OPRM1: variants seen among roughly 807,000 people sequenced by gnomAD.
OPRM1 encodes opioid receptor mu 1, also known as mu-type opioid receptor.
Under a neutral mutation model 31.8 loss-of-function variants are expected in OPRM1, and 27 were observed. That is an observed-to-expected ratio of 0.85 (90% CI 0.63 to 1.17). The LOEUF (loss-of-function observed/expected upper bound fraction) is 1.17, where lower values mean the gene tolerates loss of function less well. Ranked by LOEUF, OPRM1 falls within the 50% of genes most tolerant of loss-of-function variation. The pLI, the probability that OPRM1 is intolerant of heterozygous loss-of-function variation, is 0.00. For missense variants in OPRM1, 536 were observed against 511.1 expected, an observed-to-expected ratio of 1.05 and a Z score of -0.47; for synonymous variants, 196 against 189.9, an observed-to-expected ratio of 1.03 and a Z score of -0.26.
At chr6:154,096,202 A>G (rs1200035164) in intron 3 of OPRM1, among the ~76,000 whole-genome samples, 2 of 152,098 alleles carry the variant, frequency 1.3e-5, no homozygotes, top group African/African-American at 4.8e-5. Flanking sequence ...GATTACAGGC[A>G]TGCGCCACCA....
chr6:154,143,816 C>A lies in OPRM1; in HGVS notation c.1164+52344C>A, dbSNP rs529073549. ...TTTTCCTTACTTCTACTACAAAATA[C>A]CACACACACACACACACAAATTGAA... On this transcript the variant is annotated intron_variant, in intron 3 of 3. Coordinates refer to the OPRM1 transcript ENST00000337049. Among the ~76,000 whole-genome samples, 3 of 150,562 alleles carry A rather than the reference C, an allele frequency of 2.0e-5. No individual in the cohort carries two copies. The East Asian group carries it at 5.8e-4, about 29-fold the overall frequency.
At chr6:154,046,237 GC>G (rs1199672174) in intron 1 of OPRM1, among the ~76,000 whole-genome samples, 1 of 152,204 alleles carries the variant, frequency 6.6e-6, no homozygotes, top group Non-Finnish European at 1.5e-5. Flanking sequence ...CAGAAGCTAA[GC>G]TTTTCCTTCC....
intron 1 of OPRM1, 67 bp downstream of exon 1, chr6:154,039,901 A>C: frequency 7.1e-7 from 1 of 1,405,048 alleles, no homozygotes; most frequent in Non-Finnish European, 9.6e-7. Context: ...GAGACACCTA[A>C]CTCCCAAGGC....
rs1246862290 is a variant in OPRM1 at position 154,131,814 on chromosome 6, C to A, written c.*13093C>A. On this transcript the variant is annotated 3_prime_UTR_variant, in exon 4 of 4. Transcript: ENST00000330432. ...TTTTCAAAAATATTTGCCTGGAAAC[C>A]TGTATTTCGCCTATAGAGACAAATA... Among the ~76,000 whole-genome samples, 1 of 151,932 alleles carries A rather than the reference C, an allele frequency of 6.6e-6. No individual in the cohort carries two copies. Among genetic ancestry groups the A allele is most frequent in the African/African-American group, 2.4e-5 (1 of 41,360 alleles).
At chr6:154,024,783 A>G (rs2128384052) in intron 1 of OPRM1, among the ~76,000 whole-genome samples, 1 of 150,720 alleles carries the variant, frequency 6.6e-6, no homozygotes, top group East Asian at 2.0e-4. Flanking sequence ...TCTCCTCCTT[A>G]ATTTCTTCAT....
At chr6:154,014,824 G>T (rs1464080692) in intron 1 of OPRM1, among the ~76,000 whole-genome samples, 1 of 152,066 alleles carries the variant, frequency 6.6e-6, no homozygotes, top group African/African-American at 2.4e-5. Flanking sequence ...AACAATAAGA[G>T]AATTGAATAA....
chr6:154,162,218 C>T (rs1799084931), intron 3 of OPRM1, among the ~76,000 whole-genome samples: 1 of 152,252 alleles, frequency 6.6e-6, no homozygotes, highest in South Asian at 2.1e-4. Context: ...GTTCTCTCCT[C>T]TGACTCACCA....
rs140145975 is a variant in OPRM1 at position 154,048,029 on chromosome 6, C to T, written c.290+8195C>T. Among the ~76,000 whole-genome samples, 227 of 152,264 alleles carry T rather than the reference C, an allele frequency of 1.5e-3. 3 individuals carry two copies. Among genetic ancestry groups the T allele is most frequent in the African/African-American group, 5.3e-3 (219 of 41,536 alleles). ...ATTAATAGTGTTCATAATGGCTCTGCTCTCATGACCTAATCACCTCCCAAA... is the reference window on the plus strand; with the variant it reads ...ATTAATAGTGTTCATAATGGCTCTGTTCTCATGACCTAATCACCTCCCAAA... On this transcript the variant is annotated intron_variant, in intron 1 of 3. Coordinates refer to ENST00000330432, the MANE Select transcript of OPRM1 (RefSeq NM_000914.5).
In OPRM1 at chr6:154,126,892, A is replaced by G. The variant is rs1054235203; in HGVS notation, c.*8171A>G. The stretch of plus-strand genomic sequence containing the variant: ...TTTGGGAGGCCGAGGCGGGCGGAAC[A>G]CAAGGTCAGGAGATCAAGACCATCC... On this transcript the variant is annotated 3_prime_UTR_variant, in exon 4 of 4. Coordinates refer to ENST00000330432, the MANE Select transcript of OPRM1 (RefSeq NM_000914.5). 1.3e-5 allele frequency among the ~76,000 whole-genome samples: 2 copies of G among 152,180 alleles called. No homozygotes were observed. Among genetic ancestry groups the G allele is most frequent in the African/African-American group, 4.8e-5 (2 of 41,444 alleles).
At position 154,091,287 on chromosome 6, in the gene OPRM1, G is replaced by C; in HGVS notation, c.979G>C (p.Gly327Arg). ...TTCTTGGCACTTCTGCATTGCTCTA[G>C]GTTACACAAACAGCTGCCTCAACCC... ...TVSWHFCIAL[G>R]YTNSCLNPVL... Residue 327 changes from glycine (G) to arginine (R), a missense_variant, in exon 3 of 4, where the codon GGT becomes CGT. Transcript: ENST00000330432. 6.2e-7 allele frequency: 1 copy of C among 1,614,172 alleles called. No individual in the cohort carries two copies. Among genetic ancestry groups the C allele is most frequent in the East Asian group, 2.2e-5 (1 of 44,888 alleles).
chr6:154,150,317 C>T (rs891926137), intron 3 of OPRM1, among the ~76,000 whole-genome samples: 14 of 152,210 alleles, frequency 9.2e-5, no homozygotes, highest in African/African-American at 3.4e-4. Context: ...TCTTGCTTCC[C>T]TTGATCCAAC....
chr6:154,197,761 T>C (rs1255241041), intron 3 of OPRM1, among the ~76,000 whole-genome samples: 1 of 152,194 alleles, frequency 6.6e-6, no homozygotes, highest in Admixed American at 6.5e-5. Flanking sequence ...GGGTTATCTC[T>C]TGGGAAAGAA....
rs549590844 is a variant in OPRM1 at position 154,120,680 on chromosome 6, T to C, written c.*1959T>C. ...GTAAATAACTGAGGAGGAAAATCCA[T>C]GCTTTTCATGGGCTAGGATGGTTTC... is the stretch of plus-strand genomic sequence containing the variant. On this transcript the variant is annotated 3_prime_UTR_variant, in exon 4 of 4. Transcript: ENST00000330432. Among the ~76,000 whole-genome samples the C allele has an allele frequency of 2.6e-5, 4 of 152,294 alleles. No homozygotes were observed. The South Asian group carries it at 6.2e-4, about 24-fold the overall frequency.
At chr6:154,200,015 G>T in intron 3 of OPRM1, 1 of 1,613,610 alleles carries the variant, frequency 6.2e-7, no homozygotes, top group Non-Finnish European at 8.5e-7. Context: ...CAGGCTGGGT[G>T]AGGATGAAGA....
chr6:154,050,869 C>G (rs368296802), intron 1 of OPRM1, among the ~76,000 whole-genome samples: 13 of 151,918 alleles, frequency 8.6e-5, no homozygotes, highest in Middle Eastern at 3.4e-3. Flanking sequence ...TTCCAAGTAC[C>G]CCGTAAATAT....
intron 1 of OPRM1, among the ~76,000 whole-genome samples, chr6:154,024,844 C>G (rs780751326): frequency 5.9e-5 from 9 of 151,992 alleles, no homozygotes; most frequent in Non-Finnish European, 1.2e-4. Flanking sequence ...TGTGTTTGAA[C>G]AGTTTCCAAA....
chr6:154,038,379 T>C (rs1371482539), upstream of OPRM1, among the ~76,000 whole-genome samples: 3 of 152,196 alleles, frequency 2.0e-5, no homozygotes, highest in East Asian at 5.8e-4. Context: ...ATTTCTAAAA[T>C]AGAAGCACTC....
intron 1 of OPRM1, among the ~76,000 whole-genome samples, chr6:154,062,582 A>G (rs1444333412): frequency 2.6e-5 from 4 of 152,110 alleles, no homozygotes; most frequent in Non-Finnish European, 2.9e-5. Flanking sequence ...AAAAATCTCA[A>G]TAAGCTTCTT....
chr6:154,180,418 T>A (rs200074751), intron 3 of OPRM1, among the ~76,000 whole-genome samples: 425 of 42,274 alleles, frequency 0.01, 1 homozygote, highest in Middle Eastern at 0.02. Flanking sequence ...ATATATATTT[T>A]TTTTTTAAAC....
Sources: allele counts gnomAD v4.1 joint callset (sites outside exome capture counted in the v4.1 genomes callset), GRCh38; gene constraint gnomAD v4.1.1; transcripts MANE v1.5; gene names NCBI Gene and HGNC (gene_info 2026-07-23, HGNC 2026-07-21).